The following ASTN2 variants were observed in gnomAD, a reference collection of about 807,000 sequenced individuals.
ASTN2 encodes astrotactin-2.
In ASTN2, 54 loss-of-function variants were observed where a neutral mutation model predicts 139.8. The observed-to-expected ratio is 0.39, with a 90% CI of 0.31 to 0.48. ASTN2 has a LOEUF of 0.48. Ranked by LOEUF, ASTN2 falls within the 20% of genes least tolerant of loss-of-function variation. The pLI is 0.95. For missense variants in ASTN2, 1,565 were observed against 1,725.1 expected (o/e 0.91, Z 1.64); for synonymous variants, 756 against 719.5 (o/e 1.05, Z -0.81).
intron 3 of ASTN2, among the ~76,000 whole-genome samples, chr9:117,164,209 A>G (rs1420358295): frequency 2.0e-5 from 3 of 152,106 alleles, no homozygotes; most frequent in African/African-American, 7.2e-5. Context: ...TGATTTTCAT[A>G]TGGGGAAACT....
intron 1 of ASTN2, among the ~76,000 whole-genome samples, chr9:117,353,626 G>A (rs1829452071): frequency 6.6e-6 from 1 of 152,208 alleles, no homozygotes. Flanking sequence ...TGGCCCCAAT[G>A]TTCCAACAAT....
intron 16 of ASTN2, among the ~76,000 whole-genome samples, chr9:116,683,860 GGAGAA>G (rs1437896022): frequency 2.0e-5 from 3 of 152,178 alleles, no homozygotes; most frequent in African/African-American, 7.2e-5. Context: ...GGACACAACT[GGAGAA>G]ATTGATTATT....
At chr9:116,538,444 C>T (rs1564353926) in intron 19 of ASTN2, among the ~76,000 whole-genome samples, 1 of 152,076 alleles carries the variant, frequency 6.6e-6, no homozygotes, top group African/African-American at 2.4e-5. Flanking sequence ...TGGCCCATGA[C>T]TTTGTATTTT....
intron 10 of ASTN2, among the ~76,000 whole-genome samples, chr9:116,908,600 C>T (rs1304969902): frequency 1.3e-5 from 2 of 152,146 alleles, no homozygotes; most frequent in Non-Finnish European, 2.9e-5. Context: ...GAACCTTGTT[C>T]TGTGTGGCTC....
intron 13 of ASTN2, among the ~76,000 whole-genome samples, chr9:116,765,971 G>A (rs1025224199): frequency 6.6e-6 from 1 of 152,024 alleles, no homozygotes; most frequent in South Asian, 2.1e-4. Flanking sequence ...GTGTGGCCTT[G>A]GGCAAATAAT....
rs774699825 is a variant in ASTN2, at chr9:116,725,878, T to C, written c.2699A>G (p.Tyr900Cys). Residue 900 changes from tyrosine to cysteine, a missense_variant, in exon 16 of 23, where the codon TAT becomes TGT. Tyr to Cys is a radical substitution (Grantham distance 194). Coordinates refer to ENST00000313400, the MANE Select transcript of ASTN2 (RefSeq NM_001365068.1). ...GGCCTCTGCGATGTAGTGGGAGCCA[T>C]AGTGCTGGATGAAGGACAGCAGCTC... ...REELLSFIQH[Y>C]GSHYIAEALY... 2 of 1,614,062 alleles carry C rather than the reference T, an allele frequency of 1.2e-6. No individual in the cohort carries two copies. Among genetic ancestry groups the C allele is most frequent in the South Asian group, 1.1e-5 (1 of 91,074 alleles).
intron 16 of ASTN2, among the ~76,000 whole-genome samples, chr9:116,691,494 C>G (rs1860564098): frequency 6.6e-6 from 1 of 152,196 alleles, no homozygotes; most frequent in Admixed American, 6.5e-5. Flanking sequence ...ATTCATTTAG[C>G]CTGCCCTTGA....
intron 1 of ASTN2, among the ~76,000 whole-genome samples, chr9:117,348,899 A>AG (rs1463605084): frequency 2.3e-5 from 3 of 130,184 alleles, no homozygotes; most frequent in Non-Finnish European, 5.5e-5. Context: ...AAAAAAAAAA[A>AG]AGTGTGTGTA....
chr9:117,281,579 G>T (rs1834325319), intron 2 of ASTN2, among the ~76,000 whole-genome samples: 4 of 152,198 alleles, frequency 2.6e-5, no homozygotes, highest in Admixed American at 2.6e-4. Flanking sequence ...TTCATTTTGT[G>T]TTGCTGTTAA....
chr9:116,888,577 C>T (rs911788368), intron 10 of ASTN2, among the ~76,000 whole-genome samples: 8 of 152,016 alleles, frequency 5.3e-5, no homozygotes, highest in Non-Finnish European at 1.5e-5. Context: ...GGCTGGAATG[C>T]AGTGGTGCAA....
At chr9:116,702,011 A>G (rs1827832286) in intron 16 of ASTN2, among the ~76,000 whole-genome samples, 1 of 151,888 alleles carries the variant, frequency 6.6e-6, no homozygotes, top group Non-Finnish European at 1.5e-5. Flanking sequence ...TGTGCCGCTG[A>G]AGAATATGCT....
At chr9:117,121,159 A>T (rs893470012) in intron 4 of ASTN2, among the ~76,000 whole-genome samples, 1 of 152,208 alleles carries the variant, frequency 6.6e-6, no homozygotes, top group African/African-American at 2.4e-5. Flanking sequence ...TAACTGTTCT[A>T]CCCTCTGTCG....
intron 19 of ASTN2, among the ~76,000 whole-genome samples, chr9:116,549,736 C>G (rs983077390): frequency 1.3e-5 from 2 of 152,184 alleles, no homozygotes; most frequent in Non-Finnish European, 2.9e-5. Flanking sequence ...TTTCCTGCCT[C>G]CAGGCCTTTG....
At chr9:116,514,349 C>A (rs963848710) in intron 19 of ASTN2, among the ~76,000 whole-genome samples, 1 of 150,944 alleles carries the variant, frequency 6.6e-6, no homozygotes, top group African/African-American at 2.4e-5. Flanking sequence ...GCGGCCTGAT[C>A]GTTCCTCTGG....
chr9:116,482,101 C>T (rs182954625), intron 20 of ASTN2, among the ~76,000 whole-genome samples: 42 of 152,210 alleles, frequency 2.8e-4, no homozygotes, highest in Admixed American at 2.3e-3. Context: ...CCGAGGCAGG[C>T]GGATCACAAG....
At chr9:117,042,233 C>T (rs954440923) in intron 5 of ASTN2, among the ~76,000 whole-genome samples, 79 of 152,270 alleles carry the variant, frequency 5.2e-4, no homozygotes, top group African/African-American at 1.8e-3. Flanking sequence ...GAACAAGAAC[C>T]GTTACAACAG....
chr9:116,556,034 C>T (rs1018819457), intron 19 of ASTN2, among the ~76,000 whole-genome samples: 1 of 152,186 alleles, frequency 6.6e-6, no homozygotes, highest in African/African-American at 2.4e-5. Flanking sequence ...GCATTCAACA[C>T]TTACCATGTA....
intron 13 of ASTN2, among the ~76,000 whole-genome samples, chr9:116,790,971 G>GAAAAGA (rs368960341): frequency 6.1e-5 from 1 of 16,270 alleles, no homozygotes; most frequent in African/African-American, 1.6e-4. Flanking sequence ...AAGAAGGAAA[G>GAAAAGA]AAAGAAAGAA....
At position 117,144,660 on chromosome 9, in the gene ASTN2, G is replaced by GTTTTTTTTTT. The variant is rs71379267; in HGVS notation, c.1016-3192_1016-3183dup. ...TGACATTTGAGAGGAGTGAACACTAGTTTTTTTTTTTTTTTTTTTTTTTTT... is the reference window on the plus strand; with the variant it reads ...TGACATTTGAGAGGAGTGAACACTAGTTTTTTTTTTTTTTTTTTTTTTTTTTTTTTTTTTT... On this transcript the variant is annotated intron_variant, in intron 3 of 22. Coordinates refer to ENST00000313400, the MANE Select transcript of ASTN2 (RefSeq NM_001365068.1). 1.4e-4 allele frequency among the ~76,000 whole-genome samples: 11 copies of GTTTTTTTTTT among 78,348 alleles called. 2 individuals are homozygous for GTTTTTTTTTT. Among genetic ancestry groups the GTTTTTTTTTT allele is most frequent in the African/African-American group, 6.0e-4 (10 of 16,566 alleles). The allele number at this position is 78,348 out of a possible 152,430, so 51.4% of individuals were successfully genotyped here.
Sources: allele counts gnomAD v4.1 joint callset (sites outside exome capture counted in the v4.1 genomes callset), GRCh38; gene constraint gnomAD v4.1.1; transcripts MANE v1.5; gene names NCBI Gene and HGNC (gene_info 2026-07-23, HGNC 2026-07-21).